Variants in RAB2A observed in about 807,000 individuals in gnomAD.
The protein encoded by RAB2A is ras-related protein Rab-2A.
In RAB2A, 7 loss-of-function variants were observed where a neutral mutation model predicts 32.5. The observed-to-expected ratio is 0.22, with a 90% CI of 0.12 to 0.40. The LOEUF is 0.40. RAB2A is among the 10% of genes least tolerant of loss of function. RAB2A has a pLI of 1.00. For synonymous variants in RAB2A, 79 were observed against 85.2 expected (o/e 0.93, Z 0.40); for missense variants, 108 against 260.7 (o/e 0.41, Z 4.03).
chr8:60,523,883 G>A (rs760523846), intron 1 of RAB2A, among the ~76,000 whole-genome samples: 27 of 151,578 alleles, frequency 1.8e-4, no homozygotes, highest in Admixed American at 5.3e-4. Flanking sequence ...GTAGAGACGG[G>A]GTTTCACCAT....
At chr8:60,615,889 TTAG>T (rs1201627316) in intron 6 of RAB2A, among the ~76,000 whole-genome samples, 1 of 152,182 alleles carries the variant, frequency 6.6e-6, no homozygotes, top group East Asian at 1.9e-4. Flanking sequence ...CATTAATCAC[TTAG>T]TAATATATAT....
intron 2 of RAB2A, chr8:60,559,384 A>G (rs549700042): frequency 6.5e-6 from 1 of 154,018 alleles, no homozygotes; most frequent in South Asian, 2.0e-4. Context: ...AAACCATTCA[A>G]GTGCCTGGCA....
intron 1 of RAB2A, among the ~76,000 whole-genome samples, chr8:60,537,162 A>G (rs953291623): frequency 1.3e-5 from 2 of 152,212 alleles, no homozygotes; most frequent in African/African-American, 4.8e-5. Context: ...GTGTAAATGC[A>G]TATATATCTC....
In RAB2A at chr8:60,623,330, A is replaced by G. The variant is rs1804559631; in HGVS notation, c.*2561A>G. The G allele has an allele frequency of 6.6e-6, 1 of 152,246 alleles. No homozygotes were observed. The highest frequency in any genetic ancestry group is 2.1e-4 in the South Asian group (1 of 4,830). 9.4% of individuals were successfully genotyped at this position (152,246 alleles called of 1,614,324 possible). A position where few individuals can be genotyped will look rare whatever the true frequency, so the allele number is the denominator to read the frequency against. Reference sequence around the variant, plus strand: ...GCTAATGGTCAAAAAGAGTTAGGATATAAATCGTACCAAAATGTTTCCAAT... The same window carrying G: ...GCTAATGGTCAAAAAGAGTTAGGATGTAAATCGTACCAAAATGTTTCCAAT... On this transcript the variant is annotated 3_prime_UTR_variant, in exon 8 of 8. Transcript: ENST00000262646.
At chr8:60,591,794 T>C (rs1297556236) in intron 5 of RAB2A, 64 bp from the exon 6 acceptor site, 2 of 1,049,440 alleles carry the variant, frequency 1.9e-6, no homozygotes, top group East Asian at 2.4e-5. Context: ...TGGTACACTT[T>C]CCACAAATGC....
intron 1 of RAB2A, among the ~76,000 whole-genome samples, chr8:60,521,308 G>C (rs1455710442): frequency 6.6e-6 from 1 of 152,108 alleles, no homozygotes; most frequent in East Asian, 1.9e-4. Flanking sequence ...GGGAATGTCT[G>C]GTATGTAGTT....
intron 6 of RAB2A, among the ~76,000 whole-genome samples, chr8:60,607,562 C>CAT (rs1189843646): frequency 6.6e-6 from 1 of 152,124 alleles, no homozygotes; most frequent in Non-Finnish European, 1.5e-5. Flanking sequence ...TGTCATGAGC[C>CAT]ACCATGCCCA....
At chr8:60,572,194 T>A in intron 3 of RAB2A, 81 bp downstream of exon 3, 1 of 1,058,760 alleles carries the variant, frequency 9.4e-7, no homozygotes, top group Non-Finnish European at 1.4e-6. Context: ...TTAATGTTAT[T>A]ATATGCCTGT....
chr8:60,570,279 G>C (rs184386512), intron 2 of RAB2A, among the ~76,000 whole-genome samples: 2 of 152,200 alleles, frequency 1.3e-5, no homozygotes, highest in Admixed American at 1.3e-4. Context: ...CCTGACAATG[G>C]AAGGAAAAAT....
At chr8:60,617,671 GGAGGCA>G (rs886341586) in intron 6 of RAB2A, among the ~76,000 whole-genome samples, 18 of 152,172 alleles carry the variant, frequency 1.2e-4, no homozygotes, top group African/African-American at 4.1e-4. Flanking sequence ...ACTTGAACTG[GGAGGCA>G]GAGGTTGCAG....
Position 60,549,515 on chromosome 8 carries a change from C to T in RAB2A, c.47-9337C>T, listed in dbSNP as rs1193422261. On this transcript the variant is annotated intron_variant, in intron 1 of 7. Coordinates refer to ENST00000262646, the MANE Select transcript of RAB2A (RefSeq NM_002865.3). ...TTTTTTTGGTGTGGATTGAAAACTA[C>T]TAATGGATAGAAAATGATTGGGGAT... Among the ~76,000 whole-genome samples, 4 of 145,878 alleles carry T rather than the reference C, an allele frequency of 2.7e-5. No individual in the cohort carries two copies. In the Admixed American group the frequency reaches 2.8e-4, roughly 10 times the overall value.
chr8:60,550,825 C>A (rs1807834721), intron 1 of RAB2A, among the ~76,000 whole-genome samples: 1 of 152,210 alleles, frequency 6.6e-6, no homozygotes, highest in African/African-American at 2.4e-5. Context: ...AATAAACTTA[C>A]AGAGTTCTTT....
At chr8:60,526,020 C>CATATATATATATATATATAT (rs146162692) in intron 1 of RAB2A, among the ~76,000 whole-genome samples, 2 of 92,356 alleles carry the variant, frequency 2.2e-5, no homozygotes, top group African/African-American at 3.8e-5. Context: ...TGTGTGTGTA[C>CATATATATATATATATATAT]ATATATATAT....
intron 1 of RAB2A, among the ~76,000 whole-genome samples, chr8:60,547,599 G>C (rs1201190695): frequency 1.9e-4 from 24 of 126,190 alleles, no homozygotes; most frequent in Admixed American, 5.7e-4. Context: ...CAGTAGGGGC[G>C]GCCGGGCAGA....
In RAB2A at chr8:60,623,118, A is replaced by G. The variant is rs1487442508; in HGVS notation, c.*2349A>G. ...TCAACATGTAACATTCAAAATTGTG[A>G]TCTTCATAAAGACATTGTTACCATT... On this transcript the variant is annotated 3_prime_UTR_variant, in exon 8 of 8. Transcript: ENST00000262646. The G allele has an allele frequency of 2.6e-5, 4 of 152,226 alleles. No individual in the cohort carries two copies. The highest frequency in any genetic ancestry group is 9.6e-5 in the African/African-American group (4 of 41,464). 9.4% of individuals were successfully genotyped at this position (152,226 alleles called of 1,614,324 possible).
intron 6 of RAB2A, among the ~76,000 whole-genome samples, chr8:60,616,636 G>C (rs1269295321): frequency 6.6e-6 from 1 of 152,242 alleles, no homozygotes; most frequent in Non-Finnish European, 1.5e-5. Context: ...TACATGAAAA[G>C]CGCACTCGCG....
Position 60,605,941 on chromosome 8 carries a change from G to A in RAB2A, c.475-12639G>A, listed in dbSNP as rs533709784. On this transcript the variant is annotated intron_variant, in intron 6 of 7. Coordinates refer to ENST00000262646, the MANE Select transcript of RAB2A (RefSeq NM_002865.3). ...AGACGGGCAGATCACCTGAGGTCAG[G>A]AGTTCGAGACCAGCTTGACCAATAT... Among the ~76,000 whole-genome samples, 398 of 151,778 alleles carry A rather than the reference G, an allele frequency of 2.6e-3. 3 individuals carry two copies. The highest frequency in any genetic ancestry group is 8.6e-3 in the African/African-American group (356 of 41,208).
Position 60,623,164 on chromosome 8 carries a change from A to T in RAB2A, c.*2395A>T, listed in dbSNP as rs138862634. On this transcript the variant is annotated 3_prime_UTR_variant, in exon 8 of 8. Transcript: ENST00000262646. ...CCATTCGTCTTGCAAATTTAAGACA[A>T]CTGAATGAAAAGCCAATTTTTTGAA... The T allele has an allele frequency of 1.6e-3, 243 of 152,388 alleles. 1 individual carries two copies. The highest frequency in any genetic ancestry group is 5.6e-3 in the African/African-American group (231 of 41,592). 9.4% of individuals were successfully genotyped at this position (152,388 alleles called of 1,614,324 possible).
chr8:60,591,545 C>G, intron 5 of RAB2A: 1 of 173,242 alleles, frequency 5.8e-6, no homozygotes, highest in Admixed American at 6.0e-5. Flanking sequence ...AGCAAAATGG[C>G]TTTCTTCTCT....
Sources: gnomAD v4.1 joint callset for allele counts (sites outside exome capture counted in the v4.1 genomes callset) on GRCh38, gnomAD v4.1.1 for gene constraint, MANE v1.5 for transcripts, NCBI Gene and HGNC (gene_info 2026-07-23, HGNC 2026-07-21) for gene names.